Variants in CCDC102B observed in about 807,000 individuals in gnomAD.
The protein encoded by CCDC102B is coiled-coil domain containing 102B.
Under a neutral mutation model 57.4 loss-of-function variants are expected in CCDC102B, and 75 were observed. That is an observed-to-expected ratio of 1.31 (90% CI 1.08 to 1.58). CCDC102B has a LOEUF of 1.58. CCDC102B is among the 40% of genes most tolerant of loss of function. The pLI is 0.00. For synonymous variants in CCDC102B, 206 were observed against 201.9 expected (o/e 1.02, Z -0.17); for missense variants, 636 against 582.6 (o/e 1.09, Z -0.94).
intron 6 of CCDC102B, among the ~76,000 whole-genome samples, chr18:68,904,687 A>G (rs1432605313): frequency 6.6e-6 from 1 of 152,152 alleles, no homozygotes; most frequent in Non-Finnish European, 1.5e-5. Context: ...TCTCAAATGC[A>G]TGCACACACA....
chr18:68,940,989 C>T (rs954843481), intron 6 of CCDC102B, among the ~76,000 whole-genome samples: 1 of 151,630 alleles, frequency 6.6e-6, no homozygotes, highest in Admixed American at 6.6e-5. Context: ...AGAAAATCAA[C>T]AATCCTGACT....
intron 7 of CCDC102B, among the ~76,000 whole-genome samples, chr18:69,053,510 A>ACTCTAT (rs1460060502): frequency 6.6e-6 from 1 of 151,810 alleles, no homozygotes; most frequent in African/African-American, 2.4e-5. Flanking sequence ...TTCAGAGATC[A>ACTCTAT]TTTTGAGGTT....
intron 4 of CCDC102B, among the ~76,000 whole-genome samples, chr18:68,873,237 G>C (rs1407624114): frequency 1.3e-5 from 2 of 152,012 alleles, no homozygotes; most frequent in Non-Finnish European, 2.9e-5. Context: ...TCTTGTCCTC[G>C]TCCTTGCCTT....
chr18:68,865,009 G>A (rs769379303), intron 4 of CCDC102B, among the ~76,000 whole-genome samples: 13 of 151,918 alleles, frequency 8.6e-5, no homozygotes, highest in South Asian at 2.1e-4. Flanking sequence ...TCAGTAGAGG[G>A]TGTGTTTTTG....
At chr18:68,918,984 A>C (rs1244313135) in intron 6 of CCDC102B, among the ~76,000 whole-genome samples, 2 of 152,054 alleles carry the variant, frequency 1.3e-5, no homozygotes, top group East Asian at 3.9e-4. Context: ...GAAAGAAGGG[A>C]ATATACATTA....
rs189383856 is a variant in CCDC102B at position 68,849,000 on chromosome 18, A to G, written c.936+2579A>G. 1.1e-3 allele frequency among the ~76,000 whole-genome samples: 174 copies of G among 152,230 alleles called. 2 individuals carry two copies. The highest frequency in any genetic ancestry group is 1.2e-3 in the Non-Finnish European group (83 of 67,982). ...TTCTAATATATTTTCTTAATAAGTC[A>G]TCTTTTTGTGATCATAACAATGTGC... On this transcript the variant is annotated intron_variant, in intron 4 of 7. Coordinates refer to ENST00000360242, the MANE Select transcript of CCDC102B (RefSeq NM_024781.3).
chr18:68,911,701 G>C (rs1215286716), intron 6 of CCDC102B, among the ~76,000 whole-genome samples: 2 of 121,280 alleles, frequency 1.6e-5, no homozygotes, highest in African/African-American at 3.5e-5. Context: ...GCAGTGAGCC[G>C]AGATCGCGCC....
rs188917874 is a variant in CCDC102B, at chr18:69,017,288, T to G, written c.1434+6184T>G. Among the ~76,000 whole-genome samples, 1,196 of 151,878 alleles carry G rather than the reference T, an allele frequency of 7.9e-3. 8 individuals are homozygous for G. The highest frequency in any genetic ancestry group is 0.029 in the South Asian group (139 of 4,794). On this transcript the variant is annotated intron_variant, in intron 7 of 7. Transcript: ENST00000360242. The stretch of plus-strand genomic sequence containing the variant: ...TTGCCACCATGCCTGGCTATTTTTT[T>G]TGTGTGTGTGTTTTTCTGCAGAGAT...
At chr18:69,057,913 GAA>G (rs2052842436), downstream of CCDC102B, among the ~76,000 whole-genome samples, 1 of 151,986 alleles carries the variant, frequency 6.6e-6, no homozygotes, top group Non-Finnish European at 1.5e-5. Context: ...GTGTATTGCT[GAA>G]GTTTGCTATA....
At chr18:68,838,538 A>G in intron 2 of CCDC102B, 168 bp from the exon 3 acceptor site, 2 of 985,440 alleles carry the variant, frequency 2.0e-6, no homozygotes, top group Non-Finnish European at 2.4e-6. Context: ...AACAAGCTCA[A>G]AGAAGAATGC....
chr18:68,921,836 T>C (rs562245358), intron 6 of CCDC102B, among the ~76,000 whole-genome samples: 1 of 152,318 alleles, frequency 6.6e-6, no homozygotes, highest in East Asian at 1.9e-4. Context: ...GTGAGAGCTA[T>C]GTCAGGCTTC....
At chr18:68,982,634 T>A (rs541005089) in intron 6 of CCDC102B, among the ~76,000 whole-genome samples, 3 of 152,120 alleles carry the variant, frequency 2.0e-5, no homozygotes, top group South Asian at 2.1e-4. Flanking sequence ...TTGTTTTTTT[T>A]AATAAAACTA....
intron 3 of CCDC102B, among the ~76,000 whole-genome samples, chr18:68,841,535 C>T (rs2037630330): frequency 6.6e-6 from 1 of 152,108 alleles, no homozygotes; most frequent in Non-Finnish European, 1.5e-5. Context: ...TGTACCTAAA[C>T]ATTTGGGAAG....
At chr18:68,994,697 C>A (rs1162101186) in intron 6 of CCDC102B, among the ~76,000 whole-genome samples, 1 of 152,192 alleles carries the variant, frequency 6.6e-6, no homozygotes, top group Non-Finnish European at 1.5e-5. Flanking sequence ...TTCCCCTTCA[C>A]CTTCTGACAT....
intron 2 of CCDC102B, among the ~76,000 whole-genome samples, chr18:68,764,822 G>T (rs1326647510): frequency 3.3e-5 from 5 of 151,798 alleles, no homozygotes; most frequent in Non-Finnish European, 7.4e-5. Context: ...CATCAGTTGA[G>T]CCCAGGAGTT....
intron 3 of CCDC102B, among the ~76,000 whole-genome samples, chr18:68,843,294 T>C (rs576656754): frequency 6.6e-6 from 1 of 152,222 alleles, no homozygotes; most frequent in South Asian, 2.1e-4. Flanking sequence ...GATAATCATT[T>C]GATTTGGTAA....
rs953172173 is a variant in CCDC102B at position 68,874,547 on chromosome 18, T to C, written c.937-122T>C. 5.0e-6 allele frequency: 3 copies of C among 599,980 alleles called. No homozygotes were observed. In the Admixed American group the frequency reaches 7.4e-5, roughly 15 times the overall value. 37.2% of individuals were successfully genotyped at this position (599,980 alleles called of 1,614,324 possible). A position where few individuals can be genotyped will look rare whatever the true frequency, so the allele number is the denominator to read the frequency against. ...ATCATTACATCATCAGCAACAAGCC[T>C]GCCAGAATCCACATAGGAAAAAGGC... On this transcript the variant is annotated intron_variant, in intron 4 of 7. Coordinates refer to ENST00000360242, the MANE Select transcript of CCDC102B (RefSeq NM_024781.3).
chr18:68,824,930 T>C (rs1387252956), intron 1 of CCDC102B, among the ~76,000 whole-genome samples: 1 of 152,208 alleles, frequency 6.6e-6, no homozygotes, highest in African/African-American at 2.4e-5. Context: ...TGGAAAGGCA[T>C]AGAGAGATAA....
At chr18:68,999,468 T>C (rs2051141274) in intron 6 of CCDC102B, among the ~76,000 whole-genome samples, 1 of 148,194 alleles carries the variant, frequency 6.7e-6, no homozygotes, top group Non-Finnish European at 1.5e-5. Flanking sequence ...AAACCCAGTA[T>C]GGTGGTGCAT....
Sources: allele counts gnomAD v4.1 joint callset (sites outside exome capture counted in the v4.1 genomes callset), GRCh38; gene constraint gnomAD v4.1.1; transcripts MANE v1.5; gene names NCBI Gene and HGNC (gene_info 2026-07-23, HGNC 2026-07-21).